RAD51B: variants seen among roughly 807,000 people sequenced by gnomAD.
The protein encoded by RAD51B is RAD51 paralog B.
RAD51B carries 38 observed loss-of-function variants against 42.2 expected under a neutral mutation model. The ratio of observed to expected loss-of-function variants is 0.90; its 90% CI spans 0.70 to 1.18. The LOEUF (loss-of-function observed/expected upper bound fraction) is 1.18. Ranked by LOEUF, RAD51B falls within the 50% of genes most tolerant of loss-of-function variation. The probability of loss-of-function intolerance (pLI) is 0.00; values close to 1 mark genes in which losing one functional copy is unlikely to be tolerated. For synonymous variants in RAD51B, 154 were observed against 145.2 expected (o/e 1.06, Z -0.43); for missense variants, 373 against 400.7 (o/e 0.93, Z 0.59).
intron 10 of RAD51B, chr14:68,470,528 A>G: frequency 2.0e-6 from 1 of 493,282 alleles, no homozygotes; most frequent in Non-Finnish European, 4.0e-6. Context: ...GTCAGCTGGA[A>G]AATGAAAACA....
intron 10 of RAD51B, among the ~76,000 whole-genome samples, chr14:68,634,302 G>A (rs900711972): frequency 6.6e-6 from 1 of 152,138 alleles, no homozygotes; most frequent in African/African-American, 2.4e-5. Flanking sequence ...ATGATTACTA[G>A]TACACCATCC....
At chr14:68,604,323 C>T (rs964440245) in intron 10 of RAD51B, among the ~76,000 whole-genome samples, 25 of 152,090 alleles carry the variant, frequency 1.6e-4, no homozygotes, top group Non-Finnish European at 4.4e-5. Context: ...ACACAAATTG[C>T]TAGGGTTTCC....
chr14:68,540,925 A>T (rs1020446150), intron 10 of RAD51B: 5 of 985,458 alleles, frequency 5.1e-6, no homozygotes, highest in Non-Finnish European at 6.0e-6. Flanking sequence ...GTTTGGAAAG[A>T]GAGGCAGGGC....
chr14:68,076,373 C>T (rs2140479524), intron 7 of RAD51B, among the ~76,000 whole-genome samples: 1 of 152,182 alleles, frequency 6.6e-6, no homozygotes, highest in East Asian at 1.9e-4. Flanking sequence ...TTTTCAAGAA[C>T]AGGTAAGAAT....
downstream of RAD51B, among the ~76,000 whole-genome samples, chr14:68,616,242 C>G (rs1019969599): frequency 8.6e-5 from 13 of 151,690 alleles, no homozygotes; most frequent in African/African-American, 2.9e-4. Flanking sequence ...TTGTGTAGAT[C>G]CAAGTATTAT....
At chr14:68,187,247 T>C (rs1207725125) in intron 7 of RAD51B, among the ~76,000 whole-genome samples, 1 of 152,214 alleles carries the variant, frequency 6.6e-6, no homozygotes, top group Non-Finnish European at 1.5e-5. Flanking sequence ...AAAAACTAAC[T>C]GTTGAGTGCT....
intron 7 of RAD51B, among the ~76,000 whole-genome samples, chr14:68,113,062 T>A (rs2077484274): frequency 6.6e-6 from 1 of 152,138 alleles, no homozygotes; most frequent in African/African-American, 2.4e-5. Flanking sequence ...ATAGCATATT[T>A]ATGTTTAAAA....
At chr14:68,272,293 C>G (rs2081118881) in intron 7 of RAD51B, among the ~76,000 whole-genome samples, 1 of 152,058 alleles carries the variant, frequency 6.6e-6, no homozygotes, top group Non-Finnish European at 1.5e-5. Flanking sequence ...GATGCCTCTT[C>G]CTGGCTCTAT....
At chr14:67,934,865 C>T (rs565170520) in intron 7 of RAD51B, among the ~76,000 whole-genome samples, 1 of 152,178 alleles carries the variant, frequency 6.6e-6, no homozygotes, top group Non-Finnish European at 1.5e-5. Flanking sequence ...GAAACCTCAG[C>T]AAGGTGTCTC....
At chr14:68,039,491 A>C (rs180978666) in intron 7 of RAD51B, among the ~76,000 whole-genome samples, 1 of 152,292 alleles carries the variant, frequency 6.6e-6, no homozygotes, top group East Asian at 1.9e-4. Context: ...ATAGCACCAA[A>C]AACTTGAGAA....
At chr14:68,368,051 T>A (rs2083178810) in intron 8 of RAD51B, among the ~76,000 whole-genome samples, 1 of 152,240 alleles carries the variant, frequency 6.6e-6, no homozygotes, top group Non-Finnish European at 1.5e-5. Flanking sequence ...ATTCTGCTGT[T>A]TATGTATTGC....
intron 10 of RAD51B, among the ~76,000 whole-genome samples, chr14:68,591,209 A>T (rs1890724913): frequency 1.3e-5 from 2 of 152,258 alleles, no homozygotes; most frequent in South Asian, 4.1e-4. Flanking sequence ...CCCCAGTGGC[A>T]TAGTGACATA....
At chr14:68,377,234 G>A (rs899447197) in intron 8 of RAD51B, among the ~76,000 whole-genome samples, 1 of 152,164 alleles carries the variant, frequency 6.6e-6, no homozygotes, top group Non-Finnish European at 1.5e-5. Flanking sequence ...TGTACAGGGT[G>A]GCCCATTTAA....
chr14:68,451,533 A>C (rs1349905718), intron 9 of RAD51B, among the ~76,000 whole-genome samples: 1 of 152,228 alleles, frequency 6.6e-6, no homozygotes, highest in Non-Finnish European at 1.5e-5. Context: ...GCTTAAAGGA[A>C]AAGACAGGAA....
chr14:67,927,783 A>G (rs898439924), intron 7 of RAD51B, among the ~76,000 whole-genome samples: 5 of 149,462 alleles, frequency 3.3e-5, no homozygotes, highest in Admixed American at 6.6e-5. Flanking sequence ...ATACACATAT[A>G]TAATGTGTGT....
chr14:68,124,723 G>T (rs758035983), intron 7 of RAD51B, among the ~76,000 whole-genome samples: 1 of 152,128 alleles, frequency 6.6e-6, no homozygotes, highest in Non-Finnish European at 1.5e-5. Flanking sequence ...GGAGGCCAAG[G>T]GGGGCGGATC....
intron 7 of RAD51B, among the ~76,000 whole-genome samples, chr14:68,140,182 A>G (rs1344998038): frequency 2.0e-5 from 3 of 152,154 alleles, no homozygotes; most frequent in Non-Finnish European, 4.4e-5. Flanking sequence ...GAGTCATGTC[A>G]CTCCTAAAGG....
intron 7 of RAD51B, among the ~76,000 whole-genome samples, chr14:67,962,955 A>G (rs1217101865): frequency 6.6e-6 from 1 of 152,142 alleles, no homozygotes; most frequent in Non-Finnish European, 1.5e-5. Flanking sequence ...TCAAATGTAA[A>G]GTAGTTTAAA....
intron 7 of RAD51B, among the ~76,000 whole-genome samples, chr14:68,151,606 G>C (rs1157422293): frequency 6.6e-6 from 1 of 151,164 alleles, no homozygotes; most frequent in African/African-American, 2.4e-5. Flanking sequence ...CATTTTTCTT[G>C]GTTTTTTGTG....
Sources: allele counts gnomAD v4.1 joint callset (sites outside exome capture counted in the v4.1 genomes callset), GRCh38; gene constraint gnomAD v4.1.1; transcripts MANE v1.5; gene names NCBI Gene and HGNC (gene_info 2026-07-23, HGNC 2026-07-21).